The following CNBD1 variants were observed in gnomAD, a reference collection of about 807,000 sequenced individuals.
The protein encoded by CNBD1 is cyclic nucleotide-binding domain-containing protein 1.
CNBD1 carries 71 observed loss-of-function variants against 54.4 expected under a neutral mutation model. The ratio of observed to expected loss-of-function variants is 1.30; its 90% CI spans 1.08 to 1.59. The LOEUF is 1.59. Among genes scored for constraint, CNBD1 ranks in the 40% most tolerant of loss-of-function variants. The probability of loss-of-function intolerance (pLI) is 0.00; values close to 1 mark genes in which losing one functional copy is unlikely to be tolerated. For missense variants in CNBD1, 659 were observed against 518.0 expected (o/e 1.27, Z -2.64); for synonymous variants, 182 against 170.7 (o/e 1.07, Z -0.51).
At chr8:87,026,946 G>T (rs1445462262) in intron 4 of CNBD1, among the ~76,000 whole-genome samples, 1 of 151,994 alleles carries the variant, frequency 6.6e-6, no homozygotes. Flanking sequence ...ATAACACCCG[G>T]ACAAAAATGT....
chr8:87,384,175 A>G (rs1158987347), downstream of CNBD1, among the ~76,000 whole-genome samples: 1 of 152,066 alleles, frequency 6.6e-6, no homozygotes, highest in Non-Finnish European at 1.5e-5. Context: ...ATTTCCATGC[A>G]CCATTATCTA....
chr8:87,167,423 A>T (rs1812986277), intron 4 of CNBD1, among the ~76,000 whole-genome samples: 1 of 151,956 alleles, frequency 6.6e-6, no homozygotes, highest in Non-Finnish European at 1.5e-5. Context: ...CATTCTATAC[A>T]TCCTTCAGTG....
rs114162495 is a variant in CNBD1 at position 86,928,755 on chromosome 8, T to C, written c.273-10841T>C. On this transcript the variant is annotated intron_variant, in intron 3 of 10. Coordinates refer to ENST00000518476, the MANE Select transcript of CNBD1 (RefSeq NM_173538.3). The stretch of plus-strand genomic sequence containing the variant: ...GGCCTTATGAGGGACCAAGGGATTA[T>C]TGTTTTGGCACACATCACAGGCTTT... Among the ~76,000 whole-genome samples, 538 of 152,320 alleles carry C rather than the reference T, an allele frequency of 3.5e-3. 5 individuals carry two copies. The highest frequency in any genetic ancestry group is 0.012 in the African/African-American group (510 of 41,584).
chr8:86,998,002 C>G (rs142020326), intron 4 of CNBD1, among the ~76,000 whole-genome samples: 2 of 152,188 alleles, frequency 1.3e-5, no homozygotes, highest in Non-Finnish European at 2.9e-5. Flanking sequence ...CTCGGGATTC[C>G]TTTCTTACAT....
At chr8:87,191,473 A>G (rs1255600353) in intron 4 of CNBD1, among the ~76,000 whole-genome samples, 2 of 152,160 alleles carry the variant, frequency 1.3e-5, no homozygotes, top group South Asian at 2.1e-4. Context: ...CACCCCCAGA[A>G]ACAATACATT....
chr8:87,036,365 C>T (rs1337058272), intron 4 of CNBD1, among the ~76,000 whole-genome samples: 9 of 151,912 alleles, frequency 5.9e-5, no homozygotes, highest in African/African-American at 9.7e-5. Flanking sequence ...GAGGCCGAGG[C>T]GGGCGGATCA....
At chr8:87,145,895 G>A (rs1023796139) in intron 4 of CNBD1, among the ~76,000 whole-genome samples, 45 of 152,132 alleles carry the variant, frequency 3.0e-4, no homozygotes, top group African/African-American at 1.0e-3. Context: ...TTAACAGTCT[G>A]CAGGATCATA....
intron 6 of CNBD1, among the ~76,000 whole-genome samples, chr8:87,260,783 A>G (rs543959848): frequency 5.7e-4 from 86 of 151,920 alleles, no homozygotes; most frequent in Non-Finnish European, 9.3e-4. Context: ...ATGTTCTACT[A>G]TAAGTTATCT....
chr8:87,036,182 G>A (rs1315171190), intron 4 of CNBD1, among the ~76,000 whole-genome samples: 1 of 151,960 alleles, frequency 6.6e-6, no homozygotes, highest in Non-Finnish European at 1.5e-5. Flanking sequence ...TGTAGGATTG[G>A]GATCTCTTAC....
chr8:87,092,154 C>A (rs1269402707), intron 4 of CNBD1, among the ~76,000 whole-genome samples: 1 of 152,220 alleles, frequency 6.6e-6, no homozygotes, highest in East Asian at 1.9e-4. Flanking sequence ...ACTTATTTCA[C>A]CTCTAACTCT....
At chr8:87,342,997 G>C (rs186341588) in intron 8 of CNBD1, among the ~76,000 whole-genome samples, 2 of 152,032 alleles carry the variant, frequency 1.3e-5, no homozygotes, top group African/African-American at 2.4e-5. Flanking sequence ...TCCTTCTCTC[G>C]ACTGCATAAG....
rs181272243 is a variant in CNBD1 at position 87,400,946 on chromosome 8, A to C, written c.214-27600A>C. On this transcript the variant is annotated intron_variant, in intron 2 of 7. Coordinates refer to the CNBD1 transcript ENST00000521593. ...GGATTAGACATTGTTTCTTAAAAAC[A>C]TCTCTAGGTAATTTTTGAGAAATGA... Among the ~76,000 whole-genome samples, 478 of 152,146 alleles carry C rather than the reference A, an allele frequency of 3.1e-3. 2 individuals carry two copies. The highest frequency in any genetic ancestry group is 0.011 in the African/African-American group (451 of 41,554).
intron 8 of CNBD1, among the ~76,000 whole-genome samples, chr8:87,343,242 A>G (rs1265739564): frequency 6.6e-6 from 1 of 152,128 alleles, no homozygotes; most frequent in Non-Finnish European, 1.5e-5. Context: ...CACTGATTTC[A>G]TATTGTTCAA....
intron 4 of CNBD1, among the ~76,000 whole-genome samples, chr8:86,951,581 C>CAAAAAA (rs71275901): frequency 0.072 from 2,673 of 37,362 alleles, 923 homozygotes; most frequent in East Asian, 0.11. Context: ...CTCCGTCTCA[C>CAAAAAA]AAAAAAAAAA....
chr8:87,018,926 T>G (rs1410581305), intron 4 of CNBD1, among the ~76,000 whole-genome samples: 2 of 152,156 alleles, frequency 1.3e-5, no homozygotes, highest in Non-Finnish European at 2.9e-5. Context: ...CCTTTTAAAC[T>G]GTTATGTGTC....
chr8:86,950,611 T>G (rs1807593162), intron 4 of CNBD1, among the ~76,000 whole-genome samples: 1 of 152,172 alleles, frequency 6.6e-6, no homozygotes, highest in Non-Finnish European at 1.5e-5. Context: ...TTTCTTTTTT[T>G]AATGTGTCTT....
chr8:87,129,671 C>T (rs574081464), intron 4 of CNBD1, among the ~76,000 whole-genome samples: 265 of 152,160 alleles, frequency 1.7e-3, no homozygotes, highest in Non-Finnish European at 2.9e-3. Flanking sequence ...TTAATGTAAG[C>T]ATTTAAAGAT....
intron 5 of CNBD1, among the ~76,000 whole-genome samples, chr8:87,220,599 T>A (rs1264075424): frequency 6.6e-6 from 1 of 151,918 alleles, no homozygotes; most frequent in African/African-American, 2.4e-5. Flanking sequence ...CATAGGTTTT[T>A]AGACCTTACC....
chr8:87,202,789 A>G (rs554463012), intron 4 of CNBD1, among the ~76,000 whole-genome samples: 1 of 152,252 alleles, frequency 6.6e-6, no homozygotes, highest in East Asian at 1.9e-4. Flanking sequence ...TTCCAAATAG[A>G]AGGCCTCGAC....
Sources: allele counts gnomAD v4.1 joint callset (sites outside exome capture counted in the v4.1 genomes callset), GRCh38; gene constraint gnomAD v4.1.1; transcripts MANE v1.5; gene names NCBI Gene and HGNC (gene_info 2026-07-23, HGNC 2026-07-21).